Variants in GNE observed in about 807,000 individuals in gnomAD.
The protein encoded by GNE is bifunctional UDP-N-acetylglucosamine 2-epimerase/N-acetylmannosamine kinase.
In GNE, 41 loss-of-function variants were observed where a neutral mutation model predicts 61.8. The observed-to-expected ratio is 0.66, with a 90% confidence interval of 0.52 to 0.86. The LOEUF (loss-of-function observed/expected upper bound fraction) is 0.86. Ranked by LOEUF, GNE falls within the 40% of genes least tolerant of loss-of-function variation. The pLI, the probability that GNE is intolerant of heterozygous loss-of-function variation, is 0.00. For missense variants in GNE, 608 were observed against 909.1 expected (o/e 0.67, Z 4.26); for synonymous variants, 264 against 326.4 (o/e 0.81, Z 2.06).
chr9:36,253,038 T>C (rs762298322), intron 1 of GNE, among the ~76,000 whole-genome samples: 16 of 151,878 alleles, frequency 1.1e-4, no homozygotes, highest in Non-Finnish European at 2.1e-4. Flanking sequence ...GGCACACACC[T>C]ATAGTCCCAG....
intron 7 of GNE, among the ~76,000 whole-genome samples, chr9:36,224,591 G>C (rs147818039): frequency 6.6e-6 from 1 of 151,994 alleles, no homozygotes; most frequent in East Asian, 1.9e-4. Flanking sequence ...TTATATGGCC[G>C]GCCGTGGTGG....
Position 36,244,939 on chromosome 9 carries a change from C to CA in GNE, c.616+1091dup, listed in dbSNP as rs200558832. ...TAGGCAACAGAGTAAGACTCCATCT[C>CA]AAAAAAAAAAAAAAAATGACCATTT... On this transcript the variant is annotated intron_variant, in intron 3 of 11. Transcript: ENST00000642385. Among the ~76,000 whole-genome samples, 555 of 94,040 alleles carry CA rather than the reference C, an allele frequency of 5.9e-3. 3 individuals are homozygous for CA. Among genetic ancestry groups the CA allele is most frequent in the Middle Eastern group, 0.011 (2 of 180 alleles). 61.7% of individuals were successfully genotyped at this position (94,040 alleles called of 152,430 possible).
Position 36,217,267 on chromosome 9 carries a change from A to G in GNE, c.*98T>C, listed in dbSNP as rs1828358904. The G allele has an allele frequency of 2.4e-6, 2 of 835,460 alleles. No homozygotes were observed. Among genetic ancestry groups the G allele is most frequent in the Non-Finnish European group, 2.0e-6 (1 of 500,384 alleles). The allele number at this position is 835,460 out of a possible 1,614,324, so 51.8% of individuals were successfully genotyped here. A position where few individuals can be genotyped will look rare whatever the true frequency, so the allele number is the denominator to read the frequency against. On this transcript the variant is annotated 3_prime_UTR_variant, in exon 12 of 12. Transcript: ENST00000642385. ...CTCTGCCAAAGTCACCTGCAGTTCA[A>G]TACCAGATTTGATTGTTAAGAAACG...
At chr9:36,220,349 A>T (rs1195373385) in intron 9 of GNE, among the ~76,000 whole-genome samples, 1 of 152,160 alleles carries the variant, frequency 6.6e-6, no homozygotes, top group Non-Finnish European at 1.5e-5. Flanking sequence ...TTTCTGCACC[A>T]AGGCTTTCTC....
At position 36,217,060 on chromosome 9, in the gene GNE, G is replaced by C. The variant is rs1428170580; in HGVS notation, c.*305C>G. 4 of 423,380 alleles carry C rather than the reference G, an allele frequency of 9.4e-6. No homozygotes were observed. Among genetic ancestry groups the C allele is most frequent in the Non-Finnish European group, 1.8e-5 (4 of 225,768 alleles). The allele number at this position is 423,380 out of a possible 1,614,324, so 26.2% of individuals were successfully genotyped here. On this transcript the variant is annotated 3_prime_UTR_variant, in exon 12 of 12. Coordinates refer to ENST00000642385, the MANE Select transcript of GNE (RefSeq NM_005476.7). ...AGTGGTATTAATACATTAGTAAGCA[G>C]AGTTCTAAGAAGGCTTCCTCTCTAT...
At chr9:36,272,172 G>A (rs1390911806) in intron 1 of GNE, among the ~76,000 whole-genome samples, 4 of 152,196 alleles carry the variant, frequency 2.6e-5, no homozygotes, top group Non-Finnish European at 5.9e-5. Context: ...GATGTGTGGA[G>A]GCAGAAAGTA....
intron 9 of GNE, among the ~76,000 whole-genome samples, chr9:36,220,336 A>G (rs565501440): frequency 1.3e-5 from 2 of 152,180 alleles, no homozygotes; most frequent in East Asian, 1.9e-4. Flanking sequence ...CACACTGTCC[A>G]TCTTTCTGCA....
chr9:36,221,276 C>T (rs1254332688), intron 9 of GNE, among the ~76,000 whole-genome samples: 1 of 152,132 alleles, frequency 6.6e-6, no homozygotes, highest in Admixed American at 6.6e-5. Context: ...TGTGCGACTG[C>T]ACTCCAGCCT....
intron 2 of GNE, among the ~76,000 whole-genome samples, chr9:36,246,875 G>T (rs1219210015): frequency 6.6e-6 from 1 of 151,868 alleles, no homozygotes; most frequent in Non-Finnish European, 1.5e-5. Context: ...TGCCATGTTG[G>T]CCAGGCTGGT....
intron 1 of GNE, chr9:36,265,499 GAGGTGGAAT>G (rs1483637710): frequency 2.2e-6 from 1 of 456,624 alleles, no homozygotes; most frequent in African/African-American, 2.0e-5. Flanking sequence ...AAATCAACAA[GAGGTGGAAT>G]AAACTGAGCA....
Position 36,220,952 on chromosome 9 carries a change from C to T in GNE, c.1634-932G>A, listed in dbSNP as rs192134187. 6.0e-4 allele frequency among the ~76,000 whole-genome samples: 92 copies of T among 152,340 alleles called. No individual in the cohort carries two copies. In the South Asian group the frequency reaches 0.012, roughly 20 times the overall value. ...CCTCTGATTTACAGCTTAGTCACTG[C>T]TCTGAGCCAGGAAATGGTATCCAAG... On this transcript the variant is annotated intron_variant, in intron 9 of 11. Coordinates refer to ENST00000642385, the MANE Select transcript of GNE (RefSeq NM_005476.7).
intron 5 of GNE, among the ~76,000 whole-genome samples, chr9:36,229,610 G>T (rs932419620): frequency 6.6e-6 from 1 of 152,188 alleles, no homozygotes; most frequent in Non-Finnish European, 1.5e-5. Context: ...CTGGAGAGAG[G>T]TGTGGGGTCA....
intron 5 of GNE, among the ~76,000 whole-genome samples, chr9:36,232,112 A>C (rs898043705): frequency 5.3e-5 from 8 of 152,096 alleles, no homozygotes; most frequent in African/African-American, 1.9e-4. Flanking sequence ...TTATATTTAC[A>C]TCTTCTTCCC....
chr9:36,269,160 A>G (rs1332026744), intron 1 of GNE, among the ~76,000 whole-genome samples: 1 of 150,464 alleles, frequency 6.6e-6, no homozygotes, highest in Non-Finnish European at 1.5e-5. Flanking sequence ...AAGCATGAAC[A>G]TAAGGCCTCA....
rs1829781405 is a variant in GNE at position 36,244,515 on chromosome 9, C to G, written c.616+1516G>C. On this transcript the variant is annotated intron_variant, in intron 3 of 11. Coordinates refer to ENST00000642385, the MANE Select transcript of GNE (RefSeq NM_005476.7). ...TAGGGCTTATTTACAAAGATATACT[C>G]TAAGGCTACAACTATGACTTTTGCT... 3.9e-5 allele frequency among the ~76,000 whole-genome samples: 6 copies of G among 152,172 alleles called. No individual in the cohort carries two copies. The South Asian group carries it at 1.2e-3, about 32-fold the overall frequency.
intron 6 of GNE, among the ~76,000 whole-genome samples, chr9:36,228,343 C>G (rs896032948): frequency 4.6e-5 from 7 of 151,732 alleles, no homozygotes; most frequent in Admixed American, 3.9e-4. Flanking sequence ...ACAGGGAAAT[C>G]TCATCGATTT....
At position 36,217,281 on chromosome 9, in the gene GNE, T is replaced by C. The variant is rs561159022; in HGVS notation, c.*84A>G. On this transcript the variant is annotated 3_prime_UTR_variant, in exon 12 of 12. Coordinates refer to ENST00000642385, the MANE Select transcript of GNE (RefSeq NM_005476.7). ...CCTGCAGTTCAATACCAGATTTGAT[T>C]GTTAAGAAACGGTCATCCTAAAGAC... 17 of 918,096 alleles carry C rather than the reference T, an allele frequency of 1.9e-5. No individual in the cohort carries two copies. In the East Asian group the frequency reaches 4.4e-4, roughly 24 times the overall value. The allele number at this position is 918,096 out of a possible 1,614,324, so 56.9% of individuals were successfully genotyped here.
chr9:36,237,093 G>A (rs1482366049), intron 3 of GNE, 109 bp from the exon 4 acceptor site: 15 of 849,914 alleles, frequency 1.8e-5, no homozygotes, highest in Non-Finnish European at 2.3e-5. Context: ...AAAATTCTAC[G>A]ATAGAAACAG....
intron 1 of GNE, among the ~76,000 whole-genome samples, chr9:36,269,055 G>A (rs1489628886): frequency 6.6e-6 from 1 of 151,560 alleles, no homozygotes; most frequent in East Asian, 1.9e-4. Flanking sequence ...GCTTGAACCT[G>A]GAAGTCGGAG....
Sources: allele counts gnomAD v4.1 joint callset (sites outside exome capture counted in the v4.1 genomes callset), GRCh38; gene constraint gnomAD v4.1.1; transcripts MANE v1.5; gene names NCBI Gene and HGNC (gene_info 2026-07-23, HGNC 2026-07-21).